Variants in SND1 observed in about 807,000 individuals in gnomAD.
SND1 encodes the protein staphylococcal nuclease and tudor domain containing 1, also known as staphylococcal nuclease domain-containing protein 1.
In SND1, 38 loss-of-function variants were observed where a neutral mutation model predicts 121.7. That is an observed-to-expected ratio of 0.31 (90% CI 0.24 to 0.41). The LOEUF is 0.41. Among genes scored for constraint, SND1 ranks in the 10% least tolerant of loss-of-function variants. The pLI is 1.00. For synonymous variants in SND1, 401 were observed against 447.4 expected (o/e 0.90, Z 1.31); for missense variants, 868 against 1,184.6 (o/e 0.73, Z 3.92).
At position 128,089,711 on chromosome 7, in the gene SND1, C is replaced by T. The variant is rs564878392; in HGVS notation, c.2622+19C>T. ...GAAAGTGGTATGTGATGTGGAGAGG[C>T]GGCCCCAGCATTGCGCCACCACCCT... On this transcript the variant is annotated intron_variant, in intron 22 of 23. Transcript: ENST00000354725. The T allele has an allele frequency of 1.0e-4, 164 of 1,609,780 alleles. No homozygotes were observed. In the South Asian group the frequency reaches 1.1e-3, roughly 11 times the overall value.
At chr7:127,715,101 G>A (rs140321765) in intron 9 of SND1, among the ~76,000 whole-genome samples, 47 of 152,004 alleles carry the variant, frequency 3.1e-4, no homozygotes, top group Non-Finnish European at 6.0e-4. Flanking sequence ...ATCGGTGCAC[G>A]AGGGTTCTAC....
chr7:127,949,597 T>C (rs1195212668), intron 15 of SND1, among the ~76,000 whole-genome samples: 1 of 152,240 alleles, frequency 6.6e-6, no homozygotes, highest in Non-Finnish European at 1.5e-5. Flanking sequence ...TGTGCCTGTG[T>C]GTGAAATCTT....
intron 15 of SND1, among the ~76,000 whole-genome samples, chr7:127,932,446 G>T (rs1800972498): frequency 6.6e-6 from 1 of 152,214 alleles, no homozygotes; most frequent in African/African-American, 2.4e-5. Flanking sequence ...GTTATTTCAT[G>T]AAATGGAATC....
At chr7:127,779,663 A>G (rs1035717631) in intron 10 of SND1, among the ~76,000 whole-genome samples, 2 of 152,244 alleles carry the variant, frequency 1.3e-5, no homozygotes, top group South Asian at 2.1e-4. Flanking sequence ...AAAGTGCTCC[A>G]TGGAACAGTC....
At chr7:127,677,224 A>G (rs895619706) in intron 1 of SND1, among the ~76,000 whole-genome samples, 1 of 151,920 alleles carries the variant, frequency 6.6e-6, no homozygotes, top group African/African-American at 2.4e-5. Context: ...TTTCATAACA[A>G]CTCTTTATTT....
At chr7:127,684,039 G>C (rs952595806) in intron 1 of SND1, among the ~76,000 whole-genome samples, 2 of 152,144 alleles carry the variant, frequency 1.3e-5, no homozygotes, top group African/African-American at 4.8e-5. Context: ...TGTCCCCAGG[G>C]ATCCGGTTTA....
At chr7:128,023,924 A>G (rs991784158) in intron 16 of SND1, among the ~76,000 whole-genome samples, 1 of 152,144 alleles carries the variant, frequency 6.6e-6, no homozygotes, top group Non-Finnish European at 1.5e-5. Context: ...ACTGAGGTAG[A>G]TAGTAATATT....
intron 10 of SND1, among the ~76,000 whole-genome samples, chr7:127,791,263 C>T (rs1797905812): frequency 6.6e-6 from 1 of 151,338 alleles, no homozygotes; most frequent in Non-Finnish European, 1.5e-5. Context: ...GTTCTCCTAC[C>T]TCAGCCTCCC....
chr7:127,696,178 T>C (rs557112052), intron 3 of SND1, among the ~76,000 whole-genome samples: 1 of 152,336 alleles, frequency 6.6e-6, no homozygotes, highest in South Asian at 2.1e-4. Context: ...TAGTCAGTGC[T>C]AGCAATAAGC....
intron 10 of SND1, among the ~76,000 whole-genome samples, chr7:127,747,985 T>C (rs1333851208): frequency 6.6e-6 from 1 of 152,216 alleles, no homozygotes; most frequent in African/African-American, 2.4e-5. Context: ...TTTTACTCCA[T>C]GTATGTGTTA....
intron 1 of SND1, among the ~76,000 whole-genome samples, chr7:127,670,930 G>A (rs1163621970): frequency 6.6e-6 from 1 of 151,992 alleles, no homozygotes; most frequent in Non-Finnish European, 1.5e-5. Context: ...TTTTTGAACA[G>A]CACACTCAGA....
chr7:127,824,940 A>T (rs1013558676), intron 11 of SND1, among the ~76,000 whole-genome samples: 1 of 152,180 alleles, frequency 6.6e-6, no homozygotes, highest in Non-Finnish European at 1.5e-5. Flanking sequence ...CAACTATAAT[A>T]GTTTTGTTAC....
At chr7:127,907,829 T>A (rs1281199375) in intron 14 of SND1, among the ~76,000 whole-genome samples, 1 of 152,190 alleles carries the variant, frequency 6.6e-6, no homozygotes, top group Non-Finnish European at 1.5e-5. Flanking sequence ...TGATCTCTTC[T>A]CTTGCTGTTT....
At chr7:127,971,023 G>C (rs144067454) in intron 15 of SND1, among the ~76,000 whole-genome samples, 3 of 152,112 alleles carry the variant, frequency 2.0e-5, no homozygotes, top group African/African-American at 7.2e-5. Flanking sequence ...TCACCTGATC[G>C]TCTTTACAGG....
At position 128,015,587 on chromosome 7, in the gene SND1, G is replaced by A. The variant is rs1482476876; in HGVS notation, c.1779+24531G>A. On this transcript the variant is annotated intron_variant, in intron 16 of 23. Coordinates refer to ENST00000354725, the MANE Select transcript of SND1 (RefSeq NM_014390.4). The surrounding 1 kb of genome is among the most constrained non-coding windows in gnomAD (Gnocchi z 4.5). ...TCAGTCTGGTTCAAGGTGCTTAAAG[G>A]TAGTGCCCTGTAATACACCATTATA... 6.6e-6 allele frequency among the ~76,000 whole-genome samples: 1 copy of A among 152,162 alleles called. No individual in the cohort carries two copies. The highest frequency in any genetic ancestry group is 1.5e-5 in the Non-Finnish European group (1 of 68,030).
intron 16 of SND1, among the ~76,000 whole-genome samples, chr7:128,065,735 C>G (rs1793301862): frequency 6.6e-6 from 1 of 152,222 alleles, no homozygotes; most frequent in Non-Finnish European, 1.5e-5. Context: ...TGGCCCAAAC[C>G]AGTGTTCAAG....
intron 13 of SND1, among the ~76,000 whole-genome samples, chr7:127,890,811 T>C (rs750095705): frequency 6.6e-6 from 1 of 152,152 alleles, no homozygotes; most frequent in African/African-American, 2.4e-5. Context: ...GCAGAAGTAA[T>C]GTAACAAGAT....
chr7:127,977,470 T>C (rs1182594156), intron 15 of SND1, among the ~76,000 whole-genome samples: 8 of 152,066 alleles, frequency 5.3e-5, no homozygotes, highest in Admixed American at 4.6e-4. Flanking sequence ...GGATGTCAGA[T>C]TGTGGAGTTC....
chr7:127,945,443 A>T (rs971561473), intron 15 of SND1, among the ~76,000 whole-genome samples: 1 of 152,088 alleles, frequency 6.6e-6, no homozygotes, highest in African/African-American at 2.4e-5. Context: ...GTGAGCCGAG[A>T]TCGCACCACT....
Sources: allele counts gnomAD v4.1 joint callset (sites outside exome capture counted in the v4.1 genomes callset), GRCh38; gene constraint gnomAD v4.1.1; non-coding constraint Gnocchi (gnomAD v3.1); transcripts MANE v1.5; gene names NCBI Gene and HGNC (gene_info 2026-07-23, HGNC 2026-07-21).